TMEM135: variants seen among roughly 807,000 people sequenced by gnomAD.
TMEM135 encodes the protein peroxisomal membrane protein 52.
In TMEM135, 30 loss-of-function variants were observed where a neutral mutation model predicts 60.3. That is an observed-to-expected ratio of 0.50 (90% CI 0.37 to 0.68). The LOEUF (loss-of-function observed/expected upper bound fraction) is 0.68. TMEM135 is among the 30% of genes least tolerant of loss of function. The pLI, the probability that TMEM135 is intolerant of heterozygous loss-of-function variation, is 0.00. For missense variants in TMEM135, 468 were observed against 548.8 expected, an observed-to-expected ratio of 0.85 and a Z score of 1.47; for synonymous variants, 190 against 186.7, an observed-to-expected ratio of 1.02 and a Z score of -0.14.
At chr11:87,124,218 G>T (rs2512343) in intron 4 of TMEM135, among the ~76,000 whole-genome samples, 72,425 of 151,958 alleles carry the variant, frequency 0.48, 17,553 homozygotes, top group East Asian at 0.67. Flanking sequence ...GGGAAGGACA[G>T]TTTGATGGCT....
intron 3 of TMEM135, among the ~76,000 whole-genome samples, chr11:87,084,998 AG>A (rs34031045): frequency 0.079 from 12,021 of 152,312 alleles, 673 homozygotes; most frequent in Non-Finnish European, 0.12. Context: ...TTTACTCACC[AG>A]TAAGGGAGTG....
At chr11:87,137,266 T>TAAA (rs11424292) in intron 4 of TMEM135, among the ~76,000 whole-genome samples, 1 of 147,010 alleles carries the variant, frequency 6.8e-6, no homozygotes. Context: ...TGCCTATATC[T>TAAA]AAAAAAAAAA....
At chr11:87,246,339 C>G (rs1237301733) in intron 6 of TMEM135, among the ~76,000 whole-genome samples, 1 of 150,354 alleles carries the variant, frequency 6.7e-6, no homozygotes, top group African/African-American at 2.5e-5. Flanking sequence ...CTTGGAGTTG[C>G]TCTTCTCGAG....
At chr11:87,228,652 A>G (rs1035853731) in intron 5 of TMEM135, among the ~76,000 whole-genome samples, 1 of 152,194 alleles carries the variant, frequency 6.6e-6, no homozygotes, top group Non-Finnish European at 1.5e-5. Flanking sequence ...GAATGGCCAC[A>G]GGCACTGTGA....
intron 5 of TMEM135, among the ~76,000 whole-genome samples, chr11:87,207,470 A>C (rs950339021): frequency 6.6e-6 from 1 of 152,232 alleles, no homozygotes; most frequent in African/African-American, 2.4e-5. Context: ...GCGTATTTCC[A>C]GTTTAACAAT....
At chr11:87,070,010 A>G (rs1270958483) in intron 2 of TMEM135, among the ~76,000 whole-genome samples, 6 of 150,078 alleles carry the variant, frequency 4.0e-5, no homozygotes, top group Non-Finnish European at 7.4e-5. Flanking sequence ...TGCCTGTTAA[A>G]AAAAAAAAAA....
At chr11:87,268,876 G>A (rs1941805798) in intron 6 of TMEM135, among the ~76,000 whole-genome samples, 1 of 151,998 alleles carries the variant, frequency 6.6e-6, no homozygotes, top group South Asian at 2.1e-4. Flanking sequence ...GTTTCAGATA[G>A]CATCTAGATT....
chr11:87,157,318 TG>T (rs1413687391), intron 4 of TMEM135, 22 bp from the exon 5 acceptor site: 1 of 1,565,572 alleles, frequency 6.4e-7, no homozygotes, highest in Non-Finnish European at 8.7e-7. Context: ...ATATTTTTGC[TG>T]TTTTTTTTTT....
intron 4 of TMEM135, among the ~76,000 whole-genome samples, chr11:87,092,021 C>T (rs1246220905): frequency 6.6e-6 from 1 of 151,924 alleles, no homozygotes; most frequent in African/African-American, 2.4e-5. Context: ...ACTTGATAGG[C>T]AACATTAAAA....
At chr11:87,285,030 G>C (rs1368316335) in intron 6 of TMEM135, among the ~76,000 whole-genome samples, 1 of 152,026 alleles carries the variant, frequency 6.6e-6, no homozygotes, top group East Asian at 1.9e-4. Context: ...TAACCTATTG[G>C]AATATACTTA....
At chr11:87,264,307 C>CTTTTTTTTTT (rs145849024) in intron 6 of TMEM135, among the ~76,000 whole-genome samples, 1 of 146,630 alleles carries the variant, frequency 6.8e-6, no homozygotes, top group Non-Finnish European at 1.5e-5. Context: ...TGTTCTTTTT[C>CTTTTTTTTTT]TTTTCTTTTT....
chr11:87,279,272 A>G (rs1942018944), intron 6 of TMEM135, among the ~76,000 whole-genome samples: 1 of 152,130 alleles, frequency 6.6e-6, no homozygotes, highest in Non-Finnish European at 1.5e-5. Context: ...TGTTAATTTC[A>G]GGGGAGATGG....
At position 87,038,692 on chromosome 11, in the gene TMEM135, T is replaced by C. The variant is rs1357939447; in HGVS notation, c.141+506T>C. Among the ~76,000 whole-genome samples the C allele has an allele frequency of 2.0e-5, 3 of 150,464 alleles. No homozygotes were observed. In the East Asian group the frequency reaches 5.9e-4, roughly 30 times the overall value. On this transcript the variant is annotated intron_variant, in intron 1 of 14. Transcript: ENST00000305494. ...CTCAGATCTTGACTCAGTTTTGAGA[T>C]GACAGGATTGTGATTTGGGGGTTTT...
intron 1 of TMEM135, among the ~76,000 whole-genome samples, chr11:87,064,597 T>C (rs1856610500): frequency 6.6e-6 from 1 of 152,102 alleles, no homozygotes; most frequent in Non-Finnish European, 1.5e-5. Context: ...AAGAATGTTA[T>C]AGAGGCCAGG....
At chr11:87,076,232 G>A (rs1856869224) in intron 3 of TMEM135, among the ~76,000 whole-genome samples, 1 of 152,206 alleles carries the variant, frequency 6.6e-6, no homozygotes, top group South Asian at 2.1e-4. Context: ...TGGCTAAACT[G>A]GTGCTCAAAC....
At chr11:87,286,128 C>T (rs1393012624) in intron 6 of TMEM135, among the ~76,000 whole-genome samples, 1 of 152,092 alleles carries the variant, frequency 6.6e-6, no homozygotes, top group African/African-American at 2.4e-5. Context: ...GATCCTTTAG[C>T]TAGACATAAA....
At position 87,319,354 on chromosome 11, in the gene TMEM135, C is replaced by A; in HGVS notation, c.1221C>A (p.Phe407Leu). Reference protein sequence around the residue: ...VQTLRPSYWKFLLRLTKGKFA... With the variant: ...VQTLRPSYWKLLLRLTKGKFA... ...CTTTGAGACCATCTTACTGGAAGTT[C>A]CTTTTAAGACTCACCAAGGGCAAGT... The change falls in exon 14 of 15, where the codon TTC (phenylalanine) becomes TTA (leucine). Residue 407 changes from phenylalanine to leucine, a missense_variant. Coordinates refer to ENST00000305494, the MANE Select transcript of TMEM135 (RefSeq NM_022918.4). 6.2e-7 allele frequency: 1 copy of A among 1,613,206 alleles called. No individual in the cohort carries two copies.
At chr11:87,103,491 T>G (rs892236896) in intron 4 of TMEM135, among the ~76,000 whole-genome samples, 4 of 89,160 alleles carry the variant, frequency 4.5e-5, no homozygotes, top group African/African-American at 2.0e-4. Flanking sequence ...GTTTTTTTTT[T>G]TTGTTTGTTT....
At chr11:87,066,025 C>T (rs965466) in intron 1 of TMEM135, among the ~76,000 whole-genome samples, 70,770 of 151,872 alleles carry the variant, frequency 0.47, 17,276 homozygotes, top group East Asian at 0.64. Context: ...AGAGTTGAAT[C>T]GAAGTAATAG....
Sources: gnomAD v4.1 joint callset for allele counts (sites outside exome capture counted in the v4.1 genomes callset) on GRCh38, gnomAD v4.1.1 for gene constraint, MANE v1.5 for transcripts, NCBI Gene and HGNC (gene_info 2026-07-23, HGNC 2026-07-21) for gene names.